ZBTB20: variants seen among roughly 807,000 people sequenced by gnomAD.
ZBTB20 encodes the protein zinc finger and BTB domain containing 20, also known as zinc finger and BTB domain-containing protein 20.
A neutral mutation model predicts 56.9 loss-of-function variants in ZBTB20; 9 were observed. The ratio of observed to expected loss-of-function variants is 0.16; its 90% confidence interval spans 0.10 to 0.28. The LOEUF (loss-of-function observed/expected upper bound fraction) is 0.28. Ranked by LOEUF, ZBTB20 falls within the 10% of genes least tolerant of loss-of-function variation. The pLI, the probability that ZBTB20 is intolerant of heterozygous loss-of-function variation, is 1.00. For synonymous variants in ZBTB20, 417 were observed against 420.7 expected (o/e 0.99, Z 0.11); for missense variants, 655 against 1,003.0 (o/e 0.65, Z 4.69).
In ZBTB20 at chr3:114,330,001, T is replaced by C. The variant is rs2079194329; in HGVS notation, c.*9004A>G. ...CCTTGGTCATATTTTTAAAAGCAAA[T>C]ATAGACAGTGACAGTCCTACAGGGG... On this transcript the variant is annotated 3_prime_UTR_variant, in exon 12 of 12. Transcript: ENST00000675478. 6.6e-6 allele frequency: 1 copy of C among 152,162 alleles called. No homozygotes were observed. The highest frequency in any genetic ancestry group is 6.5e-5 in the Admixed American group (1 of 15,274). 9.4% of individuals were successfully genotyped at this position (152,162 alleles called of 1,614,324 possible).
chr3:114,552,915 A>G (rs2050754200), intron 6 of ZBTB20, among the ~76,000 whole-genome samples: 1 of 152,202 alleles, frequency 6.6e-6, no homozygotes, highest in African/African-American at 2.4e-5. Context: ...ATTGTTTTCA[A>G]TCATTCTATT....
At chr3:114,944,371 A>C (rs1576389266) in intron 3 of ZBTB20, among the ~76,000 whole-genome samples, 1 of 145,768 alleles carries the variant, frequency 6.9e-6, no homozygotes, top group Admixed American at 6.6e-5. Flanking sequence ...ACTCTCATAC[A>C]CTGTTGGTAG....
intron 6 of ZBTB20, among the ~76,000 whole-genome samples, chr3:114,521,670 G>C (rs993562211): frequency 3.9e-5 from 6 of 152,006 alleles, no homozygotes; most frequent in African/African-American, 1.2e-4. Context: ...CCTGTGTCTA[G>C]AACACCCATA....
At chr3:114,572,675 G>A (rs536736518) in intron 6 of ZBTB20, among the ~76,000 whole-genome samples, 1 of 152,178 alleles carries the variant, frequency 6.6e-6, no homozygotes, top group Non-Finnish European at 1.5e-5. Flanking sequence ...AAGGAACTTA[G>A]ATTTTAAAGA....
intron 1 of ZBTB20, among the ~76,000 whole-genome samples, chr3:115,109,877 G>A (rs1020829538): frequency 6.6e-5 from 10 of 152,120 alleles, no homozygotes; most frequent in Non-Finnish European, 7.4e-5. Flanking sequence ...TTTCAAAAGC[G>A]ATGAAAGAAA....
chr3:114,517,097 C>G (rs2046089484), intron 6 of ZBTB20, among the ~76,000 whole-genome samples: 1 of 152,158 alleles, frequency 6.6e-6, no homozygotes, highest in South Asian at 2.1e-4. Flanking sequence ...TGACTAAGAA[C>G]TTCATCACGT....
At chr3:115,094,615 A>G (rs1312624276) in intron 1 of ZBTB20, among the ~76,000 whole-genome samples, 1 of 151,250 alleles carries the variant, frequency 6.6e-6, no homozygotes, top group Non-Finnish European at 1.5e-5. Flanking sequence ...TCTCAATTAC[A>G]TTCCATTTAC....
intron 6 of ZBTB20, among the ~76,000 whole-genome samples, chr3:114,550,295 G>A (rs750106463): frequency 1.2e-4 from 18 of 151,622 alleles, no homozygotes; most frequent in African/African-American, 2.7e-4. Flanking sequence ...TTTTTCTTAC[G>A]CAATTAAAAT....
At chr3:114,780,056 T>C (rs16823237) in intron 5 of ZBTB20, among the ~76,000 whole-genome samples, 6,076 of 152,288 alleles carry the variant, frequency 0.04, 431 homozygotes, top group African/African-American at 0.14. Flanking sequence ...CTTTAAATCC[T>C]GAATAAAACC....
At chr3:114,666,576 A>T (rs1447049917) in intron 6 of ZBTB20, among the ~76,000 whole-genome samples, 1 of 152,044 alleles carries the variant, frequency 6.6e-6, no homozygotes, top group Non-Finnish European at 1.5e-5. Context: ...TGGTTCAGTT[A>T]TCAGGAATTC....
chr3:115,123,395 T>C (rs937603699), intron 1 of ZBTB20, among the ~76,000 whole-genome samples: 1 of 152,206 alleles, frequency 6.6e-6, no homozygotes, highest in Non-Finnish European at 1.5e-5. Flanking sequence ...GATCATATAA[T>C]TTATTTTAGA....
chr3:114,341,946 C>CA lies in ZBTB20; in HGVS notation c.1805-2521dup, dbSNP rs202188939. 1.2e-4 allele frequency among the ~76,000 whole-genome samples: 18 copies of CA among 152,292 alleles called. No individual in the cohort carries two copies. The East Asian group carries it at 3.3e-3, about 28-fold the overall frequency. On this transcript the variant is annotated intron_variant, in intron 11 of 11. Transcript: ENST00000675478. ...TAACAGTCTCACATTTTAAATAAGACAAAGTATCCTGTTCCCTTCCCTGCC... is the reference window on the plus strand; with the variant it reads ...TAACAGTCTCACATTTTAAATAAGACAAAAGTATCCTGTTCCCTTCCCTGCC...
At chr3:114,376,680 T>C (rs2083672791) in intron 10 of ZBTB20, among the ~76,000 whole-genome samples, 1 of 152,096 alleles carries the variant, frequency 6.6e-6, no homozygotes, top group African/African-American at 2.4e-5. Flanking sequence ...ACACAACAGT[T>C]TGGAAATGTG....
intron 6 of ZBTB20, among the ~76,000 whole-genome samples, chr3:114,581,692 T>TA (rs753892002): frequency 0.028 from 3,589 of 126,352 alleles, 107 homozygotes; most frequent in African/African-American, 0.083. Context: ...GGCTTACAAC[T>TA]AAAAAAAAAA....
chr3:114,537,553 T>G (rs2110080429), intron 6 of ZBTB20, among the ~76,000 whole-genome samples: 1 of 152,290 alleles, frequency 6.6e-6, no homozygotes, highest in South Asian at 2.1e-4. Context: ...GTAAATTAGT[T>G]CAACCATTCT....
chr3:114,373,603 T>C lies in ZBTB20; in HGVS notation c.199+6614A>G, dbSNP rs190076410. On this transcript the variant is annotated intron_variant, in intron 10 of 11. Transcript: ENST00000675478. Reference sequence around the variant, plus strand: ...AATTTCATTTTTGGTGTGGAGCTCTTTCCACTTCAAGAGGCTCTTTCCTCG... The same window carrying C: ...AATTTCATTTTTGGTGTGGAGCTCTCTCCACTTCAAGAGGCTCTTTCCTCG... Among the ~76,000 whole-genome samples the C allele has an allele frequency of 5.9e-5, 9 of 152,290 alleles. 2 individuals are homozygous for C. Among genetic ancestry groups the C allele is most frequent in the Admixed American group, 5.2e-4 (8 of 15,302 alleles).
At chr3:114,623,502 G>T (rs1291956013) in intron 6 of ZBTB20, among the ~76,000 whole-genome samples, 1 of 152,116 alleles carries the variant, frequency 6.6e-6, no homozygotes, top group East Asian at 1.9e-4. Flanking sequence ...GAATGCAGAA[G>T]AATAAAGAAG....
At chr3:115,043,616 T>TAAAATAAAAC (rs2081230788) in intron 2 of ZBTB20, among the ~76,000 whole-genome samples, 3 of 133,104 alleles carry the variant, frequency 2.3e-5, no homozygotes, top group African/African-American at 8.0e-5. Flanking sequence ...TAAAATAAAA[T>TAAAATAAAAC]AAAATAAAAT....
intron 5 of ZBTB20, among the ~76,000 whole-genome samples, chr3:114,717,841 T>C: frequency 6.6e-6 from 1 of 151,512 alleles, no homozygotes; most frequent in Non-Finnish European, 1.5e-5. Context: ...CTTGCAACAA[T>C]TTAACACGGA....
Sources: allele counts gnomAD v4.1 joint callset (sites outside exome capture counted in the v4.1 genomes callset), GRCh38; gene constraint gnomAD v4.1.1; transcripts MANE v1.5; gene names NCBI Gene and HGNC (gene_info 2026-07-23, HGNC 2026-07-21).